The following SEMA6D variants were observed in gnomAD, a reference collection of about 807,000 sequenced individuals.
SEMA6D encodes semaphorin 6D.
In SEMA6D, 35 loss-of-function variants were observed where a neutral mutation model predicts 106.6. The ratio of observed to expected loss-of-function variants is 0.33; its 90% CI spans 0.25 to 0.44. SEMA6D has a LOEUF of 0.44. Ranked by LOEUF, SEMA6D falls within the 20% of genes least tolerant of loss-of-function variation. The pLI is 1.00. For missense variants in SEMA6D, 1,185 were observed against 1,345.9 expected, an observed-to-expected ratio of 0.88 and a Z score of 1.87; for synonymous variants, 499 against 487.7, an observed-to-expected ratio of 1.02 and a Z score of -0.31.
intron 3 of SEMA6D, among the ~76,000 whole-genome samples, chr15:47,596,033 T>TA (rs2143136736): frequency 6.6e-6 from 1 of 152,134 alleles, no homozygotes; most frequent in South Asian, 2.1e-4. Context: ...ATCCTATGTA[T>TA]AGAAAACCCT....
intron 3 of SEMA6D, among the ~76,000 whole-genome samples, chr15:47,477,492 A>G (rs1293940979): frequency 6.6e-6 from 1 of 152,208 alleles, no homozygotes; most frequent in Non-Finnish European, 1.5e-5. Context: ...CAAGAAAAAA[A>G]TGTGAATCAC....
chr15:47,356,545 C>T lies in SEMA6D; in HGVS notation c.-238-55848C>T, dbSNP rs139352513. 2.0e-5 allele frequency among the ~76,000 whole-genome samples: 3 copies of T among 148,726 alleles called. No homozygotes were observed. In the East Asian group the frequency reaches 5.9e-4, roughly 29 times the overall value. On this transcript the variant is annotated intron_variant, in intron 1 of 19. Transcript: ENST00000558014. ...GGAGGAGGAGGAATTTAAAACAGAC[C>T]TATATAAATAGAGAAGAGAGAGCGA...
intron 1 of SEMA6D, among the ~76,000 whole-genome samples, chr15:47,245,194 T>C (rs1215114709): frequency 6.6e-6 from 1 of 152,174 alleles, no homozygotes; most frequent in Non-Finnish European, 1.5e-5. Context: ...TGGAGTAATT[T>C]ATTTTTCTTT....
intron 2 of SEMA6D, among the ~76,000 whole-genome samples, chr15:47,423,610 T>G (rs2041239054): frequency 6.6e-6 from 1 of 152,010 alleles, no homozygotes; most frequent in East Asian, 1.9e-4. Context: ...GATAAAGAAA[T>G]CATTTTTTTT....
intron 1 of SEMA6D, among the ~76,000 whole-genome samples, chr15:47,249,188 A>G (rs554085827): frequency 2.6e-5 from 4 of 152,300 alleles, no homozygotes; most frequent in Middle Eastern, 3.4e-3. Flanking sequence ...AGATCATGCA[A>G]CTGCACTCCA....
chr15:47,614,788 C>T (rs1235004174), intron 4 of SEMA6D, among the ~76,000 whole-genome samples: 1 of 152,190 alleles, frequency 6.6e-6, no homozygotes, highest in Non-Finnish European at 1.5e-5. Context: ...TGAATTTAGA[C>T]TCTGCCACTT....
At chr15:47,304,599 CCCAAGATGAT>C (rs1399000657) in intron 1 of SEMA6D, among the ~76,000 whole-genome samples, 1 of 152,100 alleles carries the variant, frequency 6.6e-6, no homozygotes, top group African/African-American at 2.4e-5. Flanking sequence ...TTAGGAATGT[CCCAAGATGAT>C]CCAAAATATT....
intron 3 of SEMA6D, among the ~76,000 whole-genome samples, chr15:47,496,523 TTA>T (rs2043664059): frequency 6.6e-6 from 1 of 152,036 alleles, no homozygotes; most frequent in South Asian, 2.1e-4. Flanking sequence ...CTCCACAAGC[TTA>T]TGTTTTCATT....
intron 4 of SEMA6D, among the ~76,000 whole-genome samples, chr15:47,627,580 A>G (rs1457579124): frequency 6.6e-6 from 1 of 152,160 alleles, no homozygotes; most frequent in African/African-American, 2.4e-5. Context: ...TAAATGTATA[A>G]TAAGTACTCA....
chr15:47,577,225 T>G (rs1322588433), intron 3 of SEMA6D, among the ~76,000 whole-genome samples: 3 of 152,202 alleles, frequency 2.0e-5, no homozygotes, highest in Non-Finnish European at 4.4e-5. Flanking sequence ...TCCCCTGATA[T>G]TTTGACTTTA....
chr15:47,765,455 A>G, intron 13 of SEMA6D: 6 of 992,582 alleles, frequency 6.0e-6, no homozygotes, highest in Non-Finnish European at 7.2e-6. Context: ...CCTATCTTTA[A>G]TAAGTAAGAG....
intron 1 of SEMA6D, among the ~76,000 whole-genome samples, chr15:47,222,738 T>C (rs536970951): frequency 1.1e-3 from 163 of 152,332 alleles, no homozygotes; most frequent in African/African-American, 3.8e-3. Context: ...TAATTAACCA[T>C]GCAGAACTGG....
At chr15:47,280,312 C>T (rs968628019) in intron 1 of SEMA6D, among the ~76,000 whole-genome samples, 52 of 151,722 alleles carry the variant, frequency 3.4e-4, no homozygotes, top group Admixed American at 2.2e-3. Context: ...AGTTTATTTG[C>T]GTAGAGGTGT....
intron 4 of SEMA6D, among the ~76,000 whole-genome samples, chr15:47,680,077 A>G (rs1176746812): frequency 7.9e-5 from 12 of 152,202 alleles, no homozygotes; most frequent in Non-Finnish European, 1.8e-4. Flanking sequence ...TGGCTCCCAC[A>G]TAAATCTGAT....
At chr15:47,270,658 T>A (rs112575170) in intron 1 of SEMA6D, among the ~76,000 whole-genome samples, 3,446 of 152,274 alleles carry the variant, frequency 0.023, 128 homozygotes, top group African/African-American at 0.079. Context: ...ACAAACTATT[T>A]AGCAATTCAT....
At chr15:47,461,028 C>T (rs916246210) in intron 2 of SEMA6D, among the ~76,000 whole-genome samples, 88 of 152,234 alleles carry the variant, frequency 5.8e-4, no homozygotes, top group African/African-American at 2.0e-3. Flanking sequence ...CTCTCTCACT[C>T]TGCCCAGCCC....
Position 47,567,359 on chromosome 15 carries a change from A to G in SEMA6D, c.-86-33506A>G, listed in dbSNP as rs1308373716. Among the ~76,000 whole-genome samples the G allele has an allele frequency of 2.6e-5, 4 of 152,256 alleles. No homozygotes were observed. In the East Asian group the frequency reaches 7.7e-4, roughly 29 times the overall value. On this transcript the variant is annotated intron_variant, in intron 3 of 19. Transcript: ENST00000558014. ...TAATAGTGAGGAAAAATATGTATGC[A>G]TATTCAAATAAATAAACTTCAAACA...
chr15:47,550,795 G>T (rs1411482518), intron 3 of SEMA6D, among the ~76,000 whole-genome samples: 2 of 152,026 alleles, frequency 1.3e-5, no homozygotes, highest in Non-Finnish European at 2.9e-5. Flanking sequence ...TCATTCTCCC[G>T]TGGCTGAGAA....
intron 2 of SEMA6D, among the ~76,000 whole-genome samples, chr15:47,423,990 A>G (rs1009396745): frequency 6.6e-6 from 1 of 152,152 alleles, no homozygotes; most frequent in Non-Finnish European, 1.5e-5. Flanking sequence ...TTCTGCTTAT[A>G]TCTAATATAA....
Sources: allele counts gnomAD v4.1 joint callset (sites outside exome capture counted in the v4.1 genomes callset), GRCh38; gene constraint gnomAD v4.1.1; transcripts MANE v1.5; gene names NCBI Gene and HGNC (gene_info 2026-07-23, HGNC 2026-07-21).